C15orf39: variants seen among roughly 807,000 people sequenced by gnomAD.
C15orf39 encodes PRMT2 interacting protein, also known as uncharacterized protein C15orf39.
Under a neutral mutation model 53.9 loss-of-function variants are expected in C15orf39, and 24 were observed. The ratio of observed to expected loss-of-function variants is 0.45; its 90% confidence interval spans 0.32 to 0.63. C15orf39 has a LOEUF of 0.63. C15orf39 is among the 20% of genes least tolerant of loss of function. The pLI, the probability that C15orf39 is intolerant of heterozygous loss-of-function variation, is 0.04. For missense variants in C15orf39, 1,271 were observed against 1,347.9 expected (o/e 0.94, Z 0.89); for synonymous variants, 569 against 576.5 (o/e 0.99, Z 0.19).
At chr15:75,203,690 G>A (rs1231955146) in intron 1 of C15orf39, among the ~76,000 whole-genome samples, 1 of 152,192 alleles carries the variant, frequency 6.6e-6, no homozygotes, top group Admixed American at 6.5e-5. Context: ...AGACCCAGGA[G>A]AGAGGGACTC....
In C15orf39 at chr15:75,208,364, G is replaced by T. The variant is rs141257668; in HGVS notation, c.2316G>T (p.Ala772=). 1 of 1,593,374 alleles carries T rather than the reference G, an allele frequency of 6.3e-7. No individual in the cohort carries two copies. Among genetic ancestry groups the T allele is most frequent in the Non-Finnish European group, 8.5e-7 (1 of 1,169,882 alleles). ...AGCAGCATTTTACAGGACTACATGC[G>T]TCCCTGTGTGATGCTATTTCTGGCT... The part of the protein sequence containing the change: ...SLEQHFTGLH[A]SLCDAISGSV... The change falls in exon 2 of 3, where the codon GCG becomes GCT. Residue 772 remains alanine (A), a synonymous_variant. Coordinates refer to ENST00000394987, the MANE Select transcript of C15orf39 (RefSeq NM_015492.5).
Position 75,208,732 on chromosome 15 carries a change from G to A in C15orf39, c.2684G>A (p.Arg895His), listed in dbSNP as rs775355809. ...CTCGCCCTGCCAGGCTGCACCTCAC[G>A]CATGCTGAAGTTACTGGCGCTGCGC... ...RELALPGCTSRMLKLLALRQL... is the reference protein window; with the variant it reads ...RELALPGCTSHMLKLLALRQL... Residue 895 changes from arginine to histidine, a missense_variant, in exon 2 of 3, where the codon CGC (arginine) becomes CAC (histidine). Around this residue, in one of 2 missense-constraint regions of C15orf39, gnomAD observed 277 missense variants for 354.1 expected, o/e 0.78. Coordinates refer to ENST00000394987, the MANE Select transcript of C15orf39 (RefSeq NM_015492.5). 1.9e-6 allele frequency: 3 copies of A among 1,607,366 alleles called. No homozygotes were observed. Among genetic ancestry groups the A allele is most frequent in the East Asian group, 2.2e-5 (1 of 44,874 alleles).
rs896005750 is a variant in C15orf39, at chr15:75,205,058, C to T, written c.-50-941C>T. On this transcript the variant is annotated intron_variant, in intron 1 of 2. Transcript: ENST00000394987. ...CAGTTACCTCTCCTAGGGGACTGCT[C>T]TCCAGAGCCAAGTCCAGTATCTCAG... Among the ~76,000 whole-genome samples, 227 of 152,194 alleles carry T rather than the reference C, an allele frequency of 1.5e-3. 4 individuals carry two copies. The highest frequency in any genetic ancestry group is 0.015 in the Admixed American group (226 of 15,280).
At chr15:75,209,057 G>T in intron 2 of C15orf39, 1 of 676,328 alleles carries the variant, frequency 1.5e-6, no homozygotes, top group Non-Finnish European at 2.3e-6. Flanking sequence ...CTGTCCCCAT[G>T]GAAACTCCTC....
At chr15:75,201,817 T>C (rs557299344), upstream of C15orf39, 160 of 151,800 alleles carry the variant, frequency 1.1e-3, no homozygotes, top group African/African-American at 3.5e-3. This position sits in a 1 kb window ranked among gnomAD's most constrained non-coding sequence, Gnocchi z 4.7. Context: ...GGGGCCGGGC[T>C]CTTCCCCAAC....
chr15:75,206,365 A>G lies in C15orf39; in HGVS notation c.317A>G (p.Asp106Gly), dbSNP rs776934401. ...GCAGAAGGCCCTGAGAAGATGCAGG[A>G]CTCCAGCCCTGTTGAGCTCCTGCCC... is the stretch of plus-strand genomic sequence containing the variant. ...SPAEGPEKMQ[D>G]SSPVELLPFS... The change falls in exon 2 of 3, where the codon GAC becomes GGC. Residue 106 changes from aspartate to glycine, a missense_variant. By Grantham distance (94) the Asp-to-Gly change is moderately conservative. Around this residue, in one of 2 missense-constraint regions of C15orf39, gnomAD observed 994 missense variants for 993.7 expected, o/e 1.00. Coordinates refer to ENST00000394987, the MANE Select transcript of C15orf39 (RefSeq NM_015492.5). 1.9e-6 allele frequency: 3 copies of G among 1,613,724 alleles called. No homozygotes were observed. Among genetic ancestry groups the G allele is most frequent in the Middle Eastern group, 1.6e-4 (1 of 6,082 alleles).
Position 75,206,853 on chromosome 15 carries a change from T to TTGCCC in C15orf39, c.805_806insTGCCC (p.Tyr269LeufsTer59). ...CTGTCAGGACACCGGGCCCACCCAC[T>TTGCCC]ACCCACCACCCCACCACCCACCACC... On this transcript the variant is annotated frameshift_variant, in exon 2 of 3. Coordinates refer to ENST00000394987, the MANE Select transcript of C15orf39 (RefSeq NM_015492.5). LOFTEE classifies it high-confidence loss of function. 8.3e-7 allele frequency: 1 copy of TTGCCC among 1,205,170 alleles called. No individual in the cohort carries two copies. Among genetic ancestry groups the TTGCCC allele is most frequent in the Non-Finnish European group, 1.1e-6 (1 of 906,140 alleles). 74.7% of individuals were successfully genotyped at this position (1,205,170 alleles called of 1,614,324 possible).
At chr15:75,205,901 C>T (rs1015147446) in intron 1 of C15orf39, 98 bp from the exon 2 acceptor site, 4 of 798,982 alleles carry the variant, frequency 5.0e-6, no homozygotes, top group Non-Finnish European at 5.8e-6. Flanking sequence ...GCGCCAGGTT[C>T]TTAGGTGTAG....
intron 2 of C15orf39, among the ~76,000 whole-genome samples, chr15:75,210,119 G>A (rs1595956897): frequency 6.6e-6 from 1 of 152,192 alleles, no homozygotes; most frequent in East Asian, 1.9e-4. Context: ...CACACAGTCC[G>A]AGGTGCTCTG....
chr15:75,208,607 C>A lies in C15orf39; in HGVS notation c.2559C>A (p.Leu853=). 1 of 1,584,478 alleles carries A rather than the reference C, an allele frequency of 6.3e-7. No homozygotes were observed. The highest frequency in any genetic ancestry group is 2.3e-5 in the East Asian group (1 of 43,478). ...CCATTCACCTGGTGAAGGAGCGGCTCTTCCCTCGGCTGCCACCCGCTTCTG... is the reference window on the plus strand; with the variant it reads ...CCATTCACCTGGTGAAGGAGCGGCTATTCCCTCGGCTGCCACCCGCTTCTG... The part of the protein sequence containing the change: ...FVPIHLVKER[L]FPRLPPASVD... Residue 853 remains leucine, a synonymous_variant, in exon 2 of 3, where the codon CTC becomes CTA. Coordinates refer to ENST00000394987, the MANE Select transcript of C15orf39 (RefSeq NM_015492.5).
rs536133996 is a variant in C15orf39 at position 75,211,864 on chromosome 15, C to G, written c.*748C>G. On this transcript the variant is annotated 3_prime_UTR_variant, in exon 3 of 3. Coordinates refer to ENST00000394987, the MANE Select transcript of C15orf39 (RefSeq NM_015492.5). ...TGACATCAGTGCTTCCCTGAACTGC[C>G]TCCCCCACCCCTGGCATTATCCCAG... 3.5e-4 allele frequency: 53 copies of G among 152,434 alleles called. No homozygotes were observed. Among genetic ancestry groups the G allele is most frequent in the African/African-American group, 1.2e-3 (51 of 41,588 alleles). 9.4% of individuals were successfully genotyped at this position (152,434 alleles called of 1,614,324 possible).
chr15:75,210,977 T>G lies in C15orf39; in HGVS notation c.3005T>G (p.Leu1002Arg), dbSNP rs759019271. The G allele has an allele frequency of 1.2e-6, 2 of 1,613,258 alleles. No individual in the cohort carries two copies. The highest frequency in any genetic ancestry group is 2.2e-5 in the South Asian group (2 of 91,080). The change falls in exon 3 of 3, where the codon CTG (leucine) becomes CGG (arginine). Residue 1002 changes from leucine (L) to arginine (R), a missense_variant. Coordinates refer to ENST00000394987, the MANE Select transcript of C15orf39 (RefSeq NM_015492.5). The part of the protein sequence containing the change: ...ATSASPPGPT[L>R]KARFRSLLET... ...AGTGCCAGCCCACCTGGCCCCACAC[T>G]GAAGGCCCGCTTCCGCAGTCTGCTG...
Position 75,207,462 on chromosome 15 carries a change from A to G in C15orf39, c.1414A>G (p.Thr472Ala). 1.2e-6 allele frequency: 2 copies of G among 1,611,864 alleles called. No homozygotes were observed. Among genetic ancestry groups the G allele is most frequent in the South Asian group, 1.1e-5 (1 of 90,934 alleles). The change falls in exon 2 of 3, where the codon ACC becomes GCC. Residue 472 changes from threonine (T) to alanine (A), a missense_variant. By Grantham distance (58) the Thr-to-Ala change is moderately conservative (BLOSUM62 0). This residue lies in a region of C15orf39 where 994 missense variants were observed against 993.7 expected (regional missense o/e 1.00). Coordinates refer to ENST00000394987, the MANE Select transcript of C15orf39 (RefSeq NM_015492.5). ...CATCCGAGACAGTCCAGTTCCCTGT[A>G]CCCCCCCAGCACTGCCCCCCTGTGC... ...IVIRDSPVPC[T>A]PPALPPCARE... is the part of the protein sequence containing the mutation.
rs1394810934 is a variant in C15orf39 at position 75,207,524 on chromosome 15, A to C, written c.1476A>C (p.Ala492=). 1 of 1,610,644 alleles carries C rather than the reference A, an allele frequency of 6.2e-7. No individual in the cohort carries two copies. The highest frequency in any genetic ancestry group is 1.1e-5 in the South Asian group (1 of 90,924). The change falls in exon 2 of 3, where the codon GCA becomes GCC. Residue 492 remains alanine, a synonymous_variant. Coordinates refer to ENST00000394987, the MANE Select transcript of C15orf39 (RefSeq NM_015492.5). ...ECQSLPQKEG[A]RPPSSPPMPV... ...AGTCTCTTCCACAGAAGGAGGGCGC[A>C]AGGCCACCCAGCTCTCCACCAATGC...
At chr15:75,210,643 G>A (rs1434466191) in intron 2 of C15orf39, 106 bp from the exon 3 acceptor site, 2 of 1,464,418 alleles carry the variant, frequency 1.4e-6, no homozygotes, top group Non-Finnish European at 1.8e-6. Context: ...TGTGATGCCA[G>A]CCTGACTTGG....
At chr15:75,209,005 C>A in intron 2 of C15orf39, 181 bp downstream of exon 2, 2 of 1,043,624 alleles carry the variant, frequency 1.9e-6, no homozygotes, top group Non-Finnish European at 2.7e-6. Flanking sequence ...CAGTGAGCAC[C>A]TTCATAGCCT....
At chr15:75,203,102 G>A (rs1285452358) in intron 1 of C15orf39, among the ~76,000 whole-genome samples, 1 of 152,252 alleles carries the variant, frequency 6.6e-6, no homozygotes, top group Non-Finnish European at 1.5e-5. Context: ...GGCGAGGCCC[G>A]ATCCAGCCCT....
chr15:75,208,096 C>T lies in C15orf39; in HGVS notation c.2048C>T (p.Thr683Ile). ...CCTGCTCCCACACAGCCTGCACCCA[C>T]CCCCACATCTGGGCCCATTGGACTG... is the stretch of plus-strand genomic sequence containing the variant. Reference protein sequence around the residue: ...SAPAPTQPAPTPTSGPIGLRI... With the variant: ...SAPAPTQPAPIPTSGPIGLRI... The change falls in exon 2 of 3, where the codon ACC becomes ATC. Residue 683 changes from threonine (T) to isoleucine (I), a missense_variant. This residue lies in a region of C15orf39 where 994 missense variants were observed against 993.7 expected (regional missense o/e 1.00). Transcript: ENST00000394987. The T allele has an allele frequency of 6.2e-7, 1 of 1,614,126 alleles. No homozygotes were observed. Among genetic ancestry groups the T allele is most frequent in the Non-Finnish European group, 8.5e-7 (1 of 1,180,022 alleles).
rs865817368 is a variant in C15orf39 at position 75,206,028 on chromosome 15, G to A, written c.-21G>A. 1.9e-6 allele frequency: 3 copies of A among 1,558,042 alleles called. No individual in the cohort carries two copies. Among genetic ancestry groups the A allele is most frequent in the Middle Eastern group, 3.4e-4 (2 of 5,882 alleles). ...GAAGTTGAGTAGCAGGGGCCTAGGA[G>A]GGCTCGAAGCCTTCACAGCGATGGC... On this transcript the variant is annotated 5_prime_UTR_variant, in exon 2 of 3. Coordinates refer to ENST00000394987, the MANE Select transcript of C15orf39 (RefSeq NM_015492.5).
Sources: gnomAD v4.1 joint callset for allele counts (sites outside exome capture counted in the v4.1 genomes callset) on GRCh38, gnomAD v4.1.1 for gene constraint, gnomAD v4.1.1 regional missense constraint, Gnocchi (gnomAD v3.1) non-coding constraint, MANE v1.5 for transcripts, NCBI Gene and HGNC (gene_info 2026-07-23, HGNC 2026-07-21) for gene names.